The following TBC1D12 variants were observed in gnomAD, a reference collection of about 807,000 sequenced individuals.
TBC1D12 encodes TBC1 domain family, member 12.
Under a neutral mutation model 86.7 loss-of-function variants are expected in TBC1D12, and 56 were observed. The observed-to-expected ratio is 0.65, with a 90% CI of 0.52 to 0.81. The LOEUF is 0.81. Among genes scored for constraint, TBC1D12 ranks in the 30% least tolerant of loss-of-function variants. TBC1D12 has a pLI of 0.00. For missense variants in TBC1D12, 1,023 were observed against 1,038.8 expected (o/e 0.98, Z 0.21); for synonymous variants, 421 against 411.7 (o/e 1.02, Z -0.27).
At chr10:94,433,046 A>T (rs1181347072) in intron 1 of TBC1D12, among the ~76,000 whole-genome samples, 1 of 151,994 alleles carries the variant, frequency 6.6e-6, no homozygotes, top group Non-Finnish European at 1.5e-5. Flanking sequence ...CTTTACTAAA[A>T]ATACAAAAAC....
Position 94,496,388 on chromosome 10 carries a change from T to C in TBC1D12, c.1295-667T>C, listed in dbSNP as rs182194775. On this transcript the variant is annotated intron_variant, in intron 4 of 12. Coordinates refer to ENST00000225235, the MANE Select transcript of TBC1D12 (RefSeq NM_015188.2). ...AGATGTACTGTTAATATATGTGTTTTGGGGGACATTTTAAAATTTCAAACT... is the reference window on the plus strand; with the variant it reads ...AGATGTACTGTTAATATATGTGTTTCGGGGGACATTTTAAAATTTCAAACT... Among the ~76,000 whole-genome samples the C allele has an allele frequency of 4.6e-5, 7 of 152,232 alleles. No homozygotes were observed. In the East Asian group the frequency reaches 1.4e-3, roughly 29 times the overall value.
chr10:94,478,116 A>C (rs1219289797), intron 3 of TBC1D12, among the ~76,000 whole-genome samples: 1 of 152,054 alleles, frequency 6.6e-6, no homozygotes, highest in East Asian at 1.9e-4. Flanking sequence ...CCCTGTCTCT[A>C]CCAAAAATAA....
At chr10:94,477,387 T>A (rs567097195) in intron 3 of TBC1D12, among the ~76,000 whole-genome samples, 5 of 152,376 alleles carry the variant, frequency 3.3e-5, no homozygotes, top group African/African-American at 1.2e-4. Context: ...TAATCACTTA[T>A]TTCTTCTTCT....
rs747412566 is a variant in TBC1D12 at position 94,533,116 on chromosome 10, A to G, written c.*20A>G. ...AGCTAGTCTTCAAAATTGACAGACT[A>G]ACTGACATAGAAAAAGTGGTTTTTG... On this transcript the variant is annotated 3_prime_UTR_variant, in exon 13 of 13. Transcript: ENST00000225235. 2.6e-6 allele frequency: 4 copies of G among 1,524,820 alleles called. No homozygotes were observed. Among genetic ancestry groups the G allele is most frequent in the African/African-American group, 1.4e-5 (1 of 71,542 alleles). The allele number at this position is 1,524,820 out of a possible 1,614,324, so 94.5% of individuals were successfully genotyped here.
rs1489817016 is a variant in TBC1D12 at position 94,457,077 on chromosome 10, A to T, written c.1095+15058A>T. ...CCTTTATACTTAAAGTGGGGTTTTT[A>T]AAATTTTAACCTAATTTAATTTAAT... On this transcript the variant is annotated intron_variant, in intron 2 of 12. Transcript: ENST00000225235. 2.0e-5 allele frequency among the ~76,000 whole-genome samples: 3 copies of T among 152,200 alleles called. No homozygotes were observed. The South Asian group carries it at 6.2e-4, about 32-fold the overall frequency.
At chr10:94,451,189 C>G (rs1464618357) in intron 2 of TBC1D12, among the ~76,000 whole-genome samples, 2 of 151,988 alleles carry the variant, frequency 1.3e-5, no homozygotes, top group Admixed American at 1.3e-4. Flanking sequence ...ATTGAATATT[C>G]CCAACACAAA....
chr10:94,460,971 G>A (rs1039165988), intron 2 of TBC1D12, among the ~76,000 whole-genome samples: 1 of 151,796 alleles, frequency 6.6e-6, no homozygotes, highest in African/African-American at 2.4e-5. Flanking sequence ...CATTATTCTT[G>A]CATGTTGTCT....
In TBC1D12 at chr10:94,507,379, G is replaced by A. The variant is rs1053421392; in HGVS notation, c.1600+32G>A. ...TTTCTTTTTTTAAATAAGAATTTTA[G>A]GATGAAAATTCAGATACTGAGCATG... On this transcript the variant is annotated intron_variant, in intron 7 of 12. Coordinates refer to ENST00000225235, the MANE Select transcript of TBC1D12 (RefSeq NM_015188.2). 7 of 1,555,812 alleles carry A rather than the reference G, an allele frequency of 4.5e-6. No homozygotes were observed. The African/African-American group carries it at 9.7e-5, about 22-fold the overall frequency.
intron 1 of TBC1D12, among the ~76,000 whole-genome samples, chr10:94,432,377 C>G (rs1201231419): frequency 6.6e-6 from 1 of 152,138 alleles, no homozygotes; most frequent in Middle Eastern, 3.2e-3. Context: ...ACCAGTGAAG[C>G]CTGTTAAATC....
At chr10:94,426,048 A>G (rs1279246845) in intron 1 of TBC1D12, among the ~76,000 whole-genome samples, 4 of 152,162 alleles carry the variant, frequency 2.6e-5, no homozygotes, top group Admixed American at 1.3e-4. Flanking sequence ...CTTACTAGGA[A>G]CTTTTTTGTA....
At chr10:94,445,344 C>T (rs1205723175) in intron 2 of TBC1D12, among the ~76,000 whole-genome samples, 3 of 151,354 alleles carry the variant, frequency 2.0e-5, no homozygotes, top group Middle Eastern at 3.4e-3. Context: ...GGCAAAAGAG[C>T]GAGAATACGT....
chr10:94,406,711 A>G (rs767929627), intron 1 of TBC1D12, among the ~76,000 whole-genome samples: 19 of 152,334 alleles, frequency 1.2e-4, no homozygotes, highest in Non-Finnish European at 2.6e-4. Context: ...CTAAATGCAT[A>G]GTTGCTATTC....
intron 2 of TBC1D12, among the ~76,000 whole-genome samples, chr10:94,452,474 A>T (rs1356293912): frequency 1.3e-5 from 2 of 152,268 alleles, no homozygotes; most frequent in Non-Finnish European, 2.9e-5. Context: ...GAAACCACAG[A>T]TCTTTTTCTT....
intron 2 of TBC1D12, among the ~76,000 whole-genome samples, chr10:94,444,536 A>G (rs2055425750): frequency 6.6e-6 from 1 of 152,106 alleles, no homozygotes; most frequent in Admixed American, 6.5e-5. Flanking sequence ...GAAGGTTTAT[A>G]CAGGTATTTT....
At chr10:94,518,814 C>G (rs577772413) in intron 9 of TBC1D12, among the ~76,000 whole-genome samples, 2 of 152,310 alleles carry the variant, frequency 1.3e-5, no homozygotes, top group South Asian at 2.1e-4. Context: ...GTGGCTCACG[C>G]CTGTAATCCC....
chr10:94,533,286 C>G lies in TBC1D12; in HGVS notation c.*190C>G. 2.6e-6 allele frequency: 1 copy of G among 387,690 alleles called. No individual in the cohort carries two copies. Among genetic ancestry groups the G allele is most frequent in the East Asian group, 4.2e-5 (1 of 23,768 alleles). The allele number at this position is 387,690 out of a possible 1,614,324, so 24.0% of individuals were successfully genotyped here. A position where few individuals can be genotyped will look rare whatever the true frequency, so the allele number is the denominator to read the frequency against. On this transcript the variant is annotated 3_prime_UTR_variant, in exon 13 of 13. Transcript: ENST00000225235. Reference sequence around the variant, plus strand: ...GTAACTTATTGACAGTATTAATAAACTATTATTTTGTAGGTAGAGTCATTT... The same window carrying G: ...GTAACTTATTGACAGTATTAATAAAGTATTATTTTGTAGGTAGAGTCATTT...
chr10:94,432,689 T>A (rs1054099070), intron 1 of TBC1D12, among the ~76,000 whole-genome samples: 2 of 152,194 alleles, frequency 1.3e-5, no homozygotes, highest in Admixed American at 6.5e-5. Flanking sequence ...CTTGTTTTTT[T>A]ATGATTTAAC....
intron 1 of TBC1D12, among the ~76,000 whole-genome samples, chr10:94,440,182 T>G (rs1251807368): frequency 6.6e-6 from 1 of 152,066 alleles, no homozygotes; most frequent in African/African-American, 2.4e-5. Flanking sequence ...TTTCTTTTTT[T>G]TTTTGGAGGC....
intron 9 of TBC1D12, 91 bp downstream of exon 9, chr10:94,511,745 T>C: frequency 1.1e-6 from 1 of 876,978 alleles, no homozygotes. Context: ...CTCCCAAATG[T>C]CTGTATTTCT....
Sources: gnomAD v4.1 joint callset for allele counts (sites outside exome capture counted in the v4.1 genomes callset) on GRCh38, gnomAD v4.1.1 for gene constraint, MANE v1.5 for transcripts, NCBI Gene and HGNC (gene_info 2026-07-23, HGNC 2026-07-21) for gene names.